The following ADARB2 variants were observed in gnomAD, a reference collection of about 807,000 sequenced individuals.
ADARB2 encodes the protein inactive double-stranded RNA-specific editase B2.
A neutral mutation model predicts 62.2 loss-of-function variants in ADARB2; 25 were observed. The ratio of observed to expected loss-of-function variants is 0.40; its 90% CI spans 0.29 to 0.56. The LOEUF is 0.56. Among genes scored for constraint, ADARB2 ranks in the 20% least tolerant of loss-of-function variants. The pLI is 0.43. For missense variants in ADARB2, 1,071 were observed against 1,077.4 expected (o/e 0.99, Z 0.08); for synonymous variants, 572 against 500.8 (o/e 1.14, Z -1.90).
chr10:1,733,649 TTTTC>T (rs555047165), intron 1 of ADARB2, among the ~76,000 whole-genome samples: 10 of 152,330 alleles, frequency 6.6e-5, no homozygotes, highest in South Asian at 4.1e-4. Context: ...AAAAAACCCT[TTTTC>T]TTTATTATTT....
At chr10:1,204,325 A>G (rs1193632996) in intron 7 of ADARB2, among the ~76,000 whole-genome samples, 4 of 152,304 alleles carry the variant, frequency 2.6e-5, no homozygotes, top group Non-Finnish European at 4.4e-5. Flanking sequence ...TGCATTCTCA[A>G]TGGAACGCCT....
chr10:1,565,804 A>G (rs753166626), intron 1 of ADARB2, among the ~76,000 whole-genome samples: 1 of 152,174 alleles, frequency 6.6e-6, no homozygotes, highest in Non-Finnish European at 1.5e-5. Context: ...ATTCCTGGAA[A>G]GAAGGGACAT....
intron 9 of ADARB2, among the ~76,000 whole-genome samples, chr10:1,184,567 C>A (rs1254009810): frequency 6.6e-6 from 1 of 152,214 alleles, no homozygotes; most frequent in Non-Finnish European, 1.5e-5. Context: ...TTCTGGGACA[C>A]CCCGAACAAA....
At chr10:1,549,161 G>A (rs901577007) in intron 1 of ADARB2, among the ~76,000 whole-genome samples, 5 of 149,282 alleles carry the variant, frequency 3.3e-5, no homozygotes, top group Non-Finnish European at 7.4e-5. Context: ...TTTAGCTGGG[G>A]GGTCCCCTCC....
chr10:1,355,857 T>G (rs1250000293), intron 3 of ADARB2, among the ~76,000 whole-genome samples: 1 of 152,248 alleles, frequency 6.6e-6, no homozygotes, highest in Non-Finnish European at 1.5e-5. Context: ...ACATTGTATA[T>G]ATGTTGTGTA....
At chr10:1,611,698 T>G (rs17221895) in intron 1 of ADARB2, among the ~76,000 whole-genome samples, 112,197 of 151,972 alleles carry the variant, frequency 0.74, 41,562 homozygotes, top group African/African-American at 0.81. Context: ...TTTTGCCTTG[T>G]TGTAATTTCA....
chr10:1,611,312 C>T (rs1389107093), intron 1 of ADARB2, among the ~76,000 whole-genome samples: 1 of 152,196 alleles, frequency 6.6e-6, no homozygotes, highest in Non-Finnish European at 1.5e-5. Context: ...CTGCTGAAAT[C>T]TGTAATACTC....
intron 1 of ADARB2, among the ~76,000 whole-genome samples, chr10:1,437,997 C>T (rs1369744636): frequency 1.3e-5 from 2 of 152,230 alleles, no homozygotes; most frequent in African/African-American, 4.8e-5. Flanking sequence ...CTCATGAGAA[C>T]CGCTTCGTCC....
chr10:1,532,020 T>C lies in ADARB2; in HGVS notation c.101-152860A>G, dbSNP rs571753068. On this transcript the variant is annotated intron_variant, in intron 1 of 9. Coordinates refer to ENST00000381312, the MANE Select transcript of ADARB2 (RefSeq NM_018702.4). Reference sequence around the variant, plus strand: ...TTGTAGGCTGCAAACTTACATCAAATAGTTTCCTGCCTGTGATTTGAATCA... The same window carrying C: ...TTGTAGGCTGCAAACTTACATCAAACAGTTTCCTGCCTGTGATTTGAATCA... 2.0e-5 allele frequency among the ~76,000 whole-genome samples: 3 copies of C among 152,264 alleles called. No homozygotes were observed. The South Asian group carries it at 6.2e-4, about 32-fold the overall frequency.
intron 1 of ADARB2, among the ~76,000 whole-genome samples, chr10:1,439,357 T>C (rs1160006757): frequency 7.3e-6 from 1 of 137,290 alleles, no homozygotes; most frequent in Non-Finnish European, 1.6e-5. Context: ...GGCTCCTGAG[T>C]CTCCTCAGCA....
intron 1 of ADARB2, among the ~76,000 whole-genome samples, chr10:1,550,040 C>T (rs969287315): frequency 6.6e-6 from 1 of 152,002 alleles, no homozygotes; most frequent in African/African-American, 2.4e-5. Flanking sequence ...AAAGTAAACA[C>T]AAAAAGACAA....
intron 1 of ADARB2, among the ~76,000 whole-genome samples, chr10:1,644,478 A>G (rs1458188044): frequency 6.6e-6 from 1 of 152,268 alleles, no homozygotes; most frequent in Admixed American, 6.5e-5. Context: ...AGAAGGACAA[A>G]GGAGAGGGGA....
At chr10:1,404,622 C>A (rs184964602) in intron 1 of ADARB2, among the ~76,000 whole-genome samples, 109 of 152,294 alleles carry the variant, frequency 7.2e-4, no homozygotes, top group African/African-American at 2.5e-3. Flanking sequence ...TGAGCTGAAT[C>A]CAAATTCAGC....
intron 1 of ADARB2, among the ~76,000 whole-genome samples, chr10:1,712,694 T>C (rs976793989): frequency 5.3e-4 from 73 of 137,474 alleles, no homozygotes; most frequent in East Asian, 2.4e-3. Flanking sequence ...CTGCAAGCTC[T>C]GCCTCCCGGG....
At chr10:1,436,556 G>A (rs371742663) in intron 1 of ADARB2, among the ~76,000 whole-genome samples, 49 of 152,170 alleles carry the variant, frequency 3.2e-4, no homozygotes, top group East Asian at 1.5e-3. Flanking sequence ...TAATAAAAAG[G>A]CATTTATATT....
At chr10:1,272,984 G>A (rs1057192635) in intron 3 of ADARB2, among the ~76,000 whole-genome samples, 2 of 152,172 alleles carry the variant, frequency 1.3e-5, no homozygotes, top group Admixed American at 6.5e-5. Context: ...GGTGGTGGCC[G>A]CATCACTGCA....
Position 1,402,288 on chromosome 10 carries a change from C to A in ADARB2, c.101-23128G>T, listed in dbSNP as rs561482666. Among the ~76,000 whole-genome samples, 28 of 152,294 alleles carry A rather than the reference C, an allele frequency of 1.8e-4. 1 individual carries two copies. In the South Asian group the frequency reaches 5.6e-3, roughly 30 times the overall value. On this transcript the variant is annotated intron_variant, in intron 1 of 9. Coordinates refer to ENST00000381312, the MANE Select transcript of ADARB2 (RefSeq NM_018702.4). Reference sequence around the variant, plus strand: ...CGCGCCGGTCTGGCCAGGGGTAGGGCGCCTTCTAAAATCTACTTCTGAGCG... The same window carrying A: ...CGCGCCGGTCTGGCCAGGGGTAGGGAGCCTTCTAAAATCTACTTCTGAGCG...
At chr10:1,518,113 A>G (rs1026050741) in intron 1 of ADARB2, among the ~76,000 whole-genome samples, 1 of 152,230 alleles carries the variant, frequency 6.6e-6, no homozygotes, top group Admixed American at 6.5e-5. Flanking sequence ...GTGAGAGGCC[A>G]ACCCGTTAGA....
chr10:1,667,324 C>A (rs1834327639), intron 1 of ADARB2, among the ~76,000 whole-genome samples: 1 of 152,096 alleles, frequency 6.6e-6, no homozygotes, highest in Non-Finnish European at 1.5e-5. Context: ...AACATGCAAA[C>A]CTCTGATTTA....
Sources: gnomAD v4.1 joint callset for allele counts (sites outside exome capture counted in the v4.1 genomes callset) on GRCh38, gnomAD v4.1.1 for gene constraint, MANE v1.5 for transcripts, NCBI Gene and HGNC (gene_info 2026-07-23, HGNC 2026-07-21) for gene names.